The following CRAMP1 variants were observed in gnomAD, a reference collection of about 807,000 sequenced individuals.
CRAMP1 encodes protein cramped-like.
CRAMP1 carries 50 observed loss-of-function variants against 115.4 expected under a neutral mutation model. That is an observed-to-expected ratio of 0.43 (90% CI 0.35 to 0.55). The LOEUF is 0.55. CRAMP1 is among the 20% of genes least tolerant of loss of function. The pLI is 0.01. For synonymous variants in CRAMP1, 866 were observed against 745.4 expected (o/e 1.16, Z -2.64); for missense variants, 1,679 against 1,721.7 (o/e 0.98, Z 0.44).
Position 1,669,068 on chromosome 16 carries a change from G to T in CRAMP1, c.3402G>T (p.Pro1134=). 6.2e-7 allele frequency: 1 copy of T among 1,611,760 alleles called. No homozygotes were observed. Among genetic ancestry groups the T allele is most frequent in the Non-Finnish European group, 8.5e-7 (1 of 1,179,048 alleles). The part of the protein sequence containing the change: ...GSDSSKSLPS[P]SSSPQPHWIA... Reference sequence around the variant, plus strand: ...ACAGTTCCAAGAGCCTTCCCTCCCCGTCCAGCAGCCCCCAGCCACACTGGA... The same window carrying T: ...ACAGTTCCAAGAGCCTTCCCTCCCCTTCCAGCAGCCCCCAGCCACACTGGA... The change falls in exon 19 of 21, where the codon CCG becomes CCT. Residue 1134 remains proline (P), a synonymous_variant. Coordinates refer to ENST00000397412, the MANE Select transcript of CRAMP1 (RefSeq NM_020825.4). The surrounding 1 kb of genome is among the most constrained non-coding windows in gnomAD (Gnocchi z 4.6).
chr16:1,668,126 A>G lies in CRAMP1; in HGVS notation c.3267A>G (p.Ser1089=), dbSNP rs370515042. The part of the protein sequence containing the change: ...SLPGPPEDAL[S]QGEPATHISD... ...CCGGCCCACCTGAGGATGCGCTGTC[A>G]CAGGGCGAGCCTGCCACACACATTA... Residue 1089 remains serine, a synonymous_variant, in exon 18 of 21, where the codon TCA becomes TCG. Transcript: ENST00000397412. The G allele has an allele frequency of 1.9e-4, 303 of 1,613,528 alleles. 4 individuals carry two copies. The highest frequency in any genetic ancestry group is 1.0e-3 in the South Asian group (95 of 91,076).
At chr16:1,615,118 G>A (rs2036406844) in intron 2 of CRAMP1, 133 bp downstream of exon 2, 1 of 443,856 alleles carries the variant, frequency 2.3e-6, no homozygotes. Context: ...CTCTCAATTT[G>A]GGTGGCACTT....
At chr16:1,636,623 C>T (rs1430716247) in intron 4 of CRAMP1, among the ~76,000 whole-genome samples, 2 of 152,232 alleles carry the variant, frequency 1.3e-5, no homozygotes, top group African/African-American at 4.8e-5. Context: ...GGCCTTCACC[C>T]CTGCTCTGTG....
chr16:1,659,329 G>A (rs1400816849), intron 10 of CRAMP1, among the ~76,000 whole-genome samples: 5 of 152,178 alleles, frequency 3.3e-5, no homozygotes, highest in African/African-American at 7.2e-5. Flanking sequence ...TACTTGTGAG[G>A]AAGGGAGTGG....
intron 3 of CRAMP1, among the ~76,000 whole-genome samples, chr16:1,627,922 C>G (rs909636020): frequency 1.3e-5 from 2 of 152,078 alleles, no homozygotes; most frequent in African/African-American, 4.8e-5. Flanking sequence ...GTGGTGTGGC[C>G]CTTCCTCCTT....
At chr16:1,668,247 C>T (rs1479823057) in intron 18 of CRAMP1, 54 bp downstream of exon 18, 2 of 1,290,904 alleles carry the variant, frequency 1.5e-6, no homozygotes, top group Non-Finnish European at 1.1e-6. Flanking sequence ...TGATCTCCTG[C>T]CCCAATGTTT....
chr16:1,622,753 C>A (rs2036475792), intron 2 of CRAMP1, among the ~76,000 whole-genome samples: 1 of 129,362 alleles, frequency 7.7e-6, no homozygotes, highest in South Asian at 2.5e-4. Context: ...CGGCAGTCTA[C>A]TTTTTTTTTT....
chr16:1,626,589 C>T (rs1028879567), intron 3 of CRAMP1, among the ~76,000 whole-genome samples: 3 of 151,928 alleles, frequency 2.0e-5, no homozygotes, highest in African/African-American at 4.8e-5. Flanking sequence ...AGAAACCTCA[C>T]GAGATGTTGC....
chr16:1,664,778 CAAAA>C (rs60337080), intron 13 of CRAMP1, among the ~76,000 whole-genome samples: 1 of 106,962 alleles, frequency 9.3e-6, no homozygotes. Flanking sequence ...GACACCGTCT[CAAAA>C]AAAAAAAAAA....
intron 4 of CRAMP1, 58 bp downstream of exon 4, chr16:1,632,423 A>G (rs1034127396): frequency 6.7e-7 from 1 of 1,500,796 alleles, no homozygotes; most frequent in East Asian, 2.5e-5. Flanking sequence ...GCTTCTGCTC[A>G]GAGCGCAGCT....
At chr16:1,659,767 C>T (rs1289350918) in intron 10 of CRAMP1, 119 bp from the exon 11 acceptor site, 11 of 979,372 alleles carry the variant, frequency 1.1e-5, no homozygotes, top group Non-Finnish European at 1.6e-5. Context: ...CTGGCCTTTG[C>T]CGTCATGACA....
chr16:1,667,712 C>A (rs138591054), intron 17 of CRAMP1, among the ~76,000 whole-genome samples: 2 of 152,218 alleles, frequency 1.3e-5, no homozygotes, highest in African/African-American at 2.4e-5. Flanking sequence ...CCCCAGCCCC[C>A]ACTCTCTTTC....
In CRAMP1 at chr16:1,655,909, C is replaced by T; in HGVS notation, c.1152C>T (p.Asp384=). The T allele has an allele frequency of 6.2e-7, 1 of 1,612,206 alleles. No homozygotes were observed. Among genetic ancestry groups the T allele is most frequent in the Non-Finnish European group, 8.5e-7 (1 of 1,179,208 alleles). The change falls in exon 10 of 21, where the codon GAC becomes GAT. Residue 384 remains aspartate (D), a synonymous_variant. Coordinates refer to ENST00000397412, the MANE Select transcript of CRAMP1 (RefSeq NM_020825.4). ...CACTCGAGGAGCGGCAGCTGCAGGA[C>T]TCATGCTCCGCACCGATGCAGGAGA... The part of the protein sequence containing the change: ...RKTLEERQLQ[D]SCSAPMQEKV...
At chr16:1,646,502 T>C (rs1480177648) in intron 6 of CRAMP1, among the ~76,000 whole-genome samples, 1 of 152,240 alleles carries the variant, frequency 6.6e-6, no homozygotes, top group Non-Finnish European at 1.5e-5. Flanking sequence ...TGTGTGTCTT[T>C]GGTGAAGTAC....
chr16:1,627,912 G>C (rs1456326980), intron 3 of CRAMP1, among the ~76,000 whole-genome samples: 1 of 152,134 alleles, frequency 6.6e-6, no homozygotes, highest in Non-Finnish European at 1.5e-5. Flanking sequence ...AATTACTCCT[G>C]TGGTGTGGCC....
Position 1,652,475 on chromosome 16 carries a change from C to T in CRAMP1, c.828-21C>T, listed in dbSNP as rs373643622. On this transcript the variant is annotated intron_variant, in intron 6 of 20. Transcript: ENST00000397412. ...CTGTTCACTCACAGGCCTCAGCGTT[C>T]CTTCAAAACTCTTTTCCCAGGGCCA... 70 of 1,547,978 alleles carry T rather than the reference C, an allele frequency of 4.5e-5. No individual in the cohort carries two copies. The African/African-American group carries it at 8.5e-4, about 19-fold the overall frequency.
At chr16:1,648,786 C>T (rs1040676647) in intron 6 of CRAMP1, among the ~76,000 whole-genome samples, 4 of 152,022 alleles carry the variant, frequency 2.6e-5, no homozygotes, top group Admixed American at 6.6e-5. Flanking sequence ...AGGCCGGGCG[C>T]GGTGGCTCAC....
Position 1,669,256 on chromosome 16 carries a change from C to T in CRAMP1, c.3499+91C>T. The T allele has an allele frequency of 1.0e-6, 1 of 1,001,516 alleles. No individual in the cohort carries two copies. The highest frequency in any genetic ancestry group is 1.4e-6 in the Non-Finnish European group (1 of 704,006). 62.0% of individuals were successfully genotyped at this position (1,001,516 alleles called of 1,614,324 possible). On this transcript the variant is annotated intron_variant, in intron 19 of 20. Coordinates refer to ENST00000397412, the MANE Select transcript of CRAMP1 (RefSeq NM_020825.4). The surrounding 1 kb of genome is among the most constrained non-coding windows in gnomAD (Gnocchi z 4.6). ...CTGGATTCTCATTCTACTCAAACTC[C>T]CACTAGGACTGTTGGCTTGTTCGCT...
At chr16:1,641,482 C>A (rs1007704686) in intron 6 of CRAMP1, among the ~76,000 whole-genome samples, 4 of 152,204 alleles carry the variant, frequency 2.6e-5, no homozygotes, top group Non-Finnish European at 5.9e-5. Flanking sequence ...GCTTTTTGTG[C>A]TCCTTTTCCT....
Sources: gnomAD v4.1 joint callset for allele counts (sites outside exome capture counted in the v4.1 genomes callset) on GRCh38, gnomAD v4.1.1 for gene constraint, Gnocchi (gnomAD v3.1) non-coding constraint, MANE v1.5 for transcripts, NCBI Gene and HGNC (gene_info 2026-07-23, HGNC 2026-07-21) for gene names.